LMO7: variants seen among roughly 807,000 people sequenced by gnomAD.
LMO7 encodes LIM domain 7.
A neutral mutation model predicts 206.5 loss-of-function variants in LMO7; 120 were observed. The ratio of observed to expected loss-of-function variants is 0.58; its 90% CI spans 0.50 to 0.68. The LOEUF is 0.68. Ranked by LOEUF, LMO7 falls within the 30% of genes least tolerant of loss-of-function variation. The pLI is 0.00. For missense variants in LMO7, 1,959 were observed against 1,957.9 expected (o/e 1.00, Z -0.01); for synonymous variants, 706 against 681.5 (o/e 1.04, Z -0.56).
rs936027076 is a variant in LMO7, at chr13:75,677,122, G to T, written c.70-36060G>T. Among the ~76,000 whole-genome samples, 3 of 152,250 alleles carry T rather than the reference G, an allele frequency of 2.0e-5. No individual in the cohort carries two copies. The South Asian group carries it at 6.2e-4, about 32-fold the overall frequency. Reference sequence around the variant, plus strand: ...TGTTTAACTCAGAGAGACAGAGCTGGCTGTGTATACATTAGCATTAGTAAT... The same window carrying T: ...TGTTTAACTCAGAGAGACAGAGCTGTCTGTGTATACATTAGCATTAGTAAT... On this transcript the variant is annotated intron_variant, in intron 1 of 30. Transcript: ENST00000377534.
At chr13:75,819,301 G>A in intron 12 of LMO7, 92 bp from the exon 13 acceptor site, 2 of 1,397,774 alleles carry the variant, frequency 1.4e-6, no homozygotes, top group Non-Finnish European at 1.9e-6. Context: ...AATAGTTTCA[G>A]TGATGTAATA....
chr13:75,731,329 T>A (rs905447476), intron 3 of LMO7, among the ~76,000 whole-genome samples: 24 of 152,270 alleles, frequency 1.6e-4, no homozygotes, highest in Non-Finnish European at 2.8e-4. Context: ...TGGGTGCATA[T>A]ATATTTAGGA....
chr13:75,768,529 T>C (rs2049197029), intron 4 of LMO7, among the ~76,000 whole-genome samples: 1 of 152,122 alleles, frequency 6.6e-6, no homozygotes, highest in South Asian at 2.1e-4. Flanking sequence ...CTTTGAAATT[T>C]TTAAATCTGA....
chr13:75,727,573 T>C (rs532534738), intron 3 of LMO7, among the ~76,000 whole-genome samples: 1 of 152,214 alleles, frequency 6.6e-6, no homozygotes, highest in Non-Finnish European at 1.5e-5. Flanking sequence ...TATGTATATA[T>C]AATTTTAGAT....
chr13:75,818,375 G>A (rs1211261123), intron 12 of LMO7, among the ~76,000 whole-genome samples: 1 of 152,126 alleles, frequency 6.6e-6, no homozygotes, highest in Non-Finnish European at 1.5e-5. Context: ...AACGTACTTT[G>A]CATGCCCTGG....
chr13:75,674,206 T>C (rs1594201318), intron 1 of LMO7, among the ~76,000 whole-genome samples: 1 of 152,254 alleles, frequency 6.6e-6, no homozygotes, highest in African/African-American at 2.4e-5. Context: ...CTTACATTTG[T>C]ACTCTTAAAG....
rs1437222875 is a variant in LMO7 at position 75,823,721 on chromosome 13, A to G, written c.2797A>G (p.Arg933Gly). The change falls in exon 15 of 31, where the codon AGG (arginine) becomes GGG (glycine). Residue 933 changes from arginine to glycine, a missense_variant. Coordinates refer to ENST00000377534, the MANE Select transcript of LMO7 (RefSeq NM_001306080.2). ...AGCAGCAACAGAAGAAGATGTGACAAGGCTGCCCTCTCCTACATCCCCCTT... is the reference window on the plus strand; with the variant it reads ...AGCAGCAACAGAAGAAGATGTGACAGGGCTGCCCTCTCCTACATCCCCCTT... ...EVAATEEDVT[R>G]LPSPTSPFSS... 1 of 1,614,122 alleles carries G rather than the reference A, an allele frequency of 6.2e-7. No homozygotes were observed.
intron 19 of LMO7, 65 bp from the exon 20 acceptor site, chr13:75,838,075 C>T (rs41307595): frequency 0.033 from 29,615 of 907,792 alleles, 688 homozygotes; most frequent in African/African-American, 0.1. Flanking sequence ...TATCAAGTAT[C>T]GTTTAATTTA....
In LMO7 at chr13:75,856,433, C is replaced by A. The variant is rs1195687296; in HGVS notation, c.4771-73C>A. 22 of 849,934 alleles carry A rather than the reference C, an allele frequency of 2.6e-5. 1 individual carries two copies. The highest frequency in any genetic ancestry group is 4.4e-5 in the Non-Finnish European group (22 of 504,390). The allele number at this position is 849,934 out of a possible 1,614,324, so 52.6% of individuals were successfully genotyped here. A position where few individuals can be genotyped will look rare whatever the true frequency, so the allele number is the denominator to read the frequency against. On this transcript the variant is annotated intron_variant, in intron 29 of 30. Transcript: ENST00000377534. ...AGAAGTAGCATTCTGCTCATTTCCC[C>A]CCCACCCCCAGGAGTGCCCCAAGCT...
chr13:75,676,176 T>C (rs1014341945), intron 1 of LMO7, among the ~76,000 whole-genome samples: 10 of 152,174 alleles, frequency 6.6e-5, no homozygotes, highest in African/African-American at 2.4e-4. Context: ...TTGCTCTACA[T>C]AAGAGTTACT....
Position 75,777,583 on chromosome 13 carries a change from T to C in LMO7, c.317+16545T>C, listed in dbSNP as rs1310014407. Among the ~76,000 whole-genome samples the C allele has an allele frequency of 2.6e-4, 40 of 152,182 alleles. 1 individual carries two copies. Among genetic ancestry groups the C allele is most frequent in the Admixed American group, 2.6e-3 (40 of 15,284 alleles). ...GAAGGTGGCCTTAAATTCATGTTCATTTAATGTTTCATCACATTCAGATAA... is the reference window on the plus strand; with the variant it reads ...GAAGGTGGCCTTAAATTCATGTTCACTTAATGTTTCATCACATTCAGATAA... On this transcript the variant is annotated intron_variant, in intron 4 of 30. Coordinates refer to ENST00000377534, the MANE Select transcript of LMO7 (RefSeq NM_001306080.2).
intron 1 of LMO7, among the ~76,000 whole-genome samples, chr13:75,665,455 T>G (rs2038993862): frequency 6.6e-6 from 1 of 152,192 alleles, no homozygotes; most frequent in Non-Finnish European, 1.5e-5. Context: ...TGTAAATTAT[T>G]GAAGTTTTAA....
At chr13:75,756,068 C>A (rs1329801647) in intron 3 of LMO7, among the ~76,000 whole-genome samples, 1 of 152,070 alleles carries the variant, frequency 6.6e-6, no homozygotes, top group Non-Finnish European at 1.5e-5. Context: ...GAAAATAAGG[C>A]CTAAAAAGGA....
intron 1 of LMO7, among the ~76,000 whole-genome samples, chr13:75,691,215 G>T (rs1192043362): frequency 1.3e-5 from 2 of 152,252 alleles, no homozygotes; most frequent in South Asian, 4.1e-4. Context: ...TTTGCTTCAG[G>T]TAAGGTGAAT....
intron 3 of LMO7, among the ~76,000 whole-genome samples, chr13:75,732,718 C>T (rs1379329757): frequency 1.3e-5 from 2 of 152,010 alleles, no homozygotes; most frequent in Admixed American, 1.3e-4. Flanking sequence ...TTAGAGTTTC[C>T]AGTTTTTCTG....
At chr13:75,822,815 T>G (rs1036762470) in intron 14 of LMO7, among the ~76,000 whole-genome samples, 19 of 99,740 alleles carry the variant, frequency 1.9e-4, no homozygotes, top group Non-Finnish European at 3.7e-4. Flanking sequence ...AAATTATATA[T>G]ATATAATAAA....
Position 75,838,123 on chromosome 13 carries a change from A to ATT in LMO7, c.3395-9_3395-8dup. The ATT allele has an allele frequency of 1.4e-6, 2 of 1,451,010 alleles. No individual in the cohort carries two copies. Among genetic ancestry groups the ATT allele is most frequent in the Non-Finnish European group, 9.6e-7 (1 of 1,036,836 alleles). 89.9% of individuals were successfully genotyped at this position (1,451,010 alleles called of 1,614,324 possible). ...AATAAAAATGAATGACATAGTGTTT[A>ATT]TTTTTTTTTCAACTAGCATCTGAAT... is the stretch of plus-strand genomic sequence containing the variant. On this transcript the variant is annotated splice_polypyrimidine_tract_variant and intron_variant, in intron 19 of 30. Coordinates refer to ENST00000377534, the MANE Select transcript of LMO7 (RefSeq NM_001306080.2).
At chr13:75,785,552 T>A (rs1594976451) in intron 4 of LMO7, among the ~76,000 whole-genome samples, 1 of 152,338 alleles carries the variant, frequency 6.6e-6, no homozygotes, top group African/African-American at 2.4e-5. Context: ...TTAATACTAG[T>A]GTCCTTAAGA....
intron 1 of LMO7, among the ~76,000 whole-genome samples, chr13:75,654,869 CTT>C (rs199736242): frequency 6.7e-5 from 8 of 119,126 alleles, no homozygotes; most frequent in African/African-American, 2.1e-4. Context: ...TTTCTTTTCT[CTT>C]CTCTCTTTTT....
Sources: gnomAD v4.1 joint callset for allele counts (sites outside exome capture counted in the v4.1 genomes callset) on GRCh38, gnomAD v4.1.1 for gene constraint, MANE v1.5 for transcripts, NCBI Gene and HGNC (gene_info 2026-07-23, HGNC 2026-07-21) for gene names.